RNF2: variants seen among roughly 807,000 people sequenced by gnomAD.
RNF2 encodes the protein ring finger protein 2.
RNF2 carries 6 observed loss-of-function variants against 37.2 expected under a neutral mutation model. The ratio of observed to expected loss-of-function variants is 0.16; its 90% CI spans 0.09 to 0.32. RNF2 has a LOEUF of 0.32. RNF2 is among the 10% of genes least tolerant of loss of function. The pLI is 1.00. For synonymous variants in RNF2, 133 were observed against 132.7 expected (o/e 1.00, Z -0.02); for missense variants, 251 against 404.0 (o/e 0.62, Z 3.25).
At chr1:185,070,221 G>C (rs1280520217) in intron 1 of RNF2, among the ~76,000 whole-genome samples, 2 of 152,058 alleles carry the variant, frequency 1.3e-5, no homozygotes, top group Non-Finnish European at 2.9e-5. Context: ...ATTCAGTTTT[G>C]CTAGTGAACC....
chr1:185,082,086 AAG>A (rs1175321774), intron 1 of RNF2, among the ~76,000 whole-genome samples: 1 of 152,170 alleles, frequency 6.6e-6, no homozygotes. Flanking sequence ...TGCATAGAAT[AAG>A]AGAAGACAAC....
intron 1 of RNF2, among the ~76,000 whole-genome samples, chr1:185,048,464 GAATT>G (rs1650178650): frequency 6.6e-6 from 1 of 152,092 alleles, no homozygotes; most frequent in South Asian, 2.1e-4. Flanking sequence ...TTCATTTTGA[GAATT>G]AACATGTTTG....
intron 1 of RNF2, among the ~76,000 whole-genome samples, chr1:185,067,708 CTTTTTTTTTTTTT>C (rs753063280): frequency 2.4e-4 from 29 of 121,140 alleles, no homozygotes; most frequent in Admixed American, 1.1e-3. Flanking sequence ...TAAAAGTATC[CTTTTTTTTTTTTT>C]TTTTTTTGAG....
At chr1:185,055,037 T>G (rs1650393618) in intron 1 of RNF2, among the ~76,000 whole-genome samples, 1 of 152,204 alleles carries the variant, frequency 6.6e-6, no homozygotes, top group Non-Finnish European at 1.5e-5. Flanking sequence ...GATTGTATCT[T>G]GAGAGAACAC....
At chr1:185,098,420 G>A in intron 5 of RNF2, 76 bp downstream of exon 5, 2 of 1,502,310 alleles carry the variant, frequency 1.3e-6, no homozygotes, top group South Asian at 2.5e-5. Context: ...TCTTGTATAA[G>A]AAGTAGGAGC....
intron 1 of RNF2, among the ~76,000 whole-genome samples, chr1:185,069,504 A>G (rs538618353): frequency 6.6e-6 from 1 of 151,830 alleles, no homozygotes; most frequent in South Asian, 2.1e-4. Context: ...ATTTGAGGCT[A>G]TTTATCTAAG....
intron 4 of RNF2, among the ~76,000 whole-genome samples, chr1:185,093,765 TG>T (rs901220797): frequency 6.6e-5 from 10 of 152,258 alleles, no homozygotes; most frequent in African/African-American, 2.2e-4. Flanking sequence ...TGGTTCCCTT[TG>T]TATGTCATTA....
chr1:185,061,144 T>C (rs1650589032), intron 1 of RNF2, among the ~76,000 whole-genome samples: 2 of 150,014 alleles, frequency 1.3e-5, no homozygotes, highest in South Asian at 4.2e-4. Context: ...TTTTTTTTTT[T>C]TGAGACGGAA....
At chr1:185,076,655 C>G in intron 1 of RNF2, among the ~76,000 whole-genome samples, 1 of 150,996 alleles carries the variant, frequency 6.6e-6, no homozygotes, top group East Asian at 1.9e-4. Flanking sequence ...GTTTAGGTAT[C>G]TGATTTATTT....
At chr1:185,077,128 CTG>C (rs1226876143) in intron 1 of RNF2, among the ~76,000 whole-genome samples, 1 of 152,046 alleles carries the variant, frequency 6.6e-6, no homozygotes. Context: ...TATAGGAAAA[CTG>C]TAGCCTTTTT....
intron 1 of RNF2, among the ~76,000 whole-genome samples, chr1:185,063,188 G>A (rs1334048597): frequency 6.6e-6 from 1 of 152,186 alleles, no homozygotes; most frequent in African/African-American, 2.4e-5. Flanking sequence ...ATTTGGAAAT[G>A]CCAGATGTTT....
chr1:185,065,812 A>G (rs1159498892), intron 1 of RNF2, among the ~76,000 whole-genome samples: 2 of 152,232 alleles, frequency 1.3e-5, no homozygotes, highest in African/African-American at 4.8e-5. Context: ...AATGTCATCT[A>G]CAAAGATACT....
At chr1:185,072,560 A>C (rs1651009805) in intron 1 of RNF2, among the ~76,000 whole-genome samples, 1 of 151,982 alleles carries the variant, frequency 6.6e-6, no homozygotes. Context: ...GGGGGAAGAA[A>C]TCATTCCTTT....
At chr1:185,050,931 G>A (rs917466549) in intron 1 of RNF2, among the ~76,000 whole-genome samples, 2 of 152,178 alleles carry the variant, frequency 1.3e-5, no homozygotes, top group Non-Finnish European at 2.9e-5. Context: ...CCTCATTTCA[G>A]TTCCCAAAAA....
chr1:185,085,210 G>A (rs1021117366), intron 1 of RNF2, among the ~76,000 whole-genome samples: 10 of 138,522 alleles, frequency 7.2e-5, no homozygotes, highest in Non-Finnish European at 1.4e-4. Flanking sequence ...GTGCAGTGGC[G>A]TGATCTTAGC....
At chr1:185,075,253 C>CA (rs1651113121) in intron 1 of RNF2, among the ~76,000 whole-genome samples, 1 of 152,116 alleles carries the variant, frequency 6.6e-6, no homozygotes, top group African/African-American at 2.4e-5. Context: ...CTCGGCCTCC[C>CA]AAAGTGCTGG....
At chr1:185,066,114 CT>C (rs1252413783) in intron 1 of RNF2, among the ~76,000 whole-genome samples, 1 of 152,104 alleles carries the variant, frequency 6.6e-6, no homozygotes, top group Non-Finnish European at 1.5e-5. Context: ...CCTTTCTCAT[CT>C]CTTCAGATTA....
chr1:185,093,620 T>C (rs1651830934), intron 4 of RNF2, among the ~76,000 whole-genome samples: 1 of 152,218 alleles, frequency 6.6e-6, no homozygotes, highest in South Asian at 2.1e-4. Flanking sequence ...ATCAATGTTA[T>C]TAGTGATCTC....
chr1:185,070,036 A>T (rs1161257738), intron 1 of RNF2, among the ~76,000 whole-genome samples: 1 of 152,254 alleles, frequency 6.6e-6, no homozygotes, highest in African/African-American at 2.4e-5. Context: ...CAGAGTATTA[A>T]TGTAAAATTC....
Sources: gnomAD v4.1 joint callset for allele counts (sites outside exome capture counted in the v4.1 genomes callset) on GRCh38, gnomAD v4.1.1 for gene constraint, MANE v1.5 for transcripts, NCBI Gene and HGNC (gene_info 2026-07-23, HGNC 2026-07-21) for gene names.